Variants in IKZF3 observed in about 807,000 individuals in gnomAD.
IKZF3 encodes the protein IKAROS family zinc finger 3.
IKZF3 carries 10 observed loss-of-function variants against 49.0 expected under a neutral mutation model. That is an observed-to-expected ratio of 0.20 (90% CI 0.13 to 0.35). The LOEUF is 0.35. IKZF3 is among the 10% of genes least tolerant of loss of function. The pLI, the probability that IKZF3 is intolerant of heterozygous loss-of-function variation, is 1.00. For synonymous variants in IKZF3, 209 were observed against 228.2 expected, an observed-to-expected ratio of 0.92 and a Z score of 0.76; for missense variants, 498 against 664.8, an observed-to-expected ratio of 0.75 and a Z score of 2.76.
chr17:39,812,959 G>A (rs1356615743), intron 3 of IKZF3, among the ~76,000 whole-genome samples: 2 of 151,994 alleles, frequency 1.3e-5, no homozygotes, highest in African/African-American at 2.4e-5. Context: ...AAAATTAGCC[G>A]GGTGTGGTGG....
At chr17:39,800,451 G>A (rs1265889788) in intron 3 of IKZF3, among the ~76,000 whole-genome samples, 2 of 152,180 alleles carry the variant, frequency 1.3e-5, no homozygotes, top group East Asian at 3.9e-4. Context: ...CTGAACTTGT[G>A]GAGAAAAGAA....
intron 1 of IKZF3, among the ~76,000 whole-genome samples, chr17:39,838,312 C>CT (rs1202210707): frequency 6.6e-6 from 1 of 152,126 alleles, no homozygotes; most frequent in Non-Finnish European, 1.5e-5. Flanking sequence ...CCCCACAATG[C>CT]TTTTTTCTCT....
intron 3 of IKZF3, among the ~76,000 whole-genome samples, chr17:39,822,170 T>C (rs781193710): frequency 1.2e-4 from 19 of 152,188 alleles, no homozygotes; most frequent in Middle Eastern, 6.3e-3. Context: ...GCAGCTGATA[T>C]GCTTCATATG....
Position 39,791,477 on chromosome 17 carries a change from G to T in IKZF3, c.531C>A (p.His177Gln). The T allele has an allele frequency of 6.2e-7, 1 of 1,614,094 alleles. No individual in the cohort carries two copies. Among genetic ancestry groups the T allele is most frequent in the African/African-American group, 1.3e-5 (1 of 75,012 alleles). ...TTCTTTGGCATGCATAGTTGCAGAGGTGACACTTAAAAGGTTTTTCCCCTG... is the reference window on the plus strand; with the variant it reads ...TTCTTTGGCATGCATAGTTGCAGAGTTGACACTTAAAAGGTTTTTCCCCTG... The part of the protein sequence containing the change: ...LHTGEKPFKC[H>Q]LCNYACQRRD... Residue 177 changes from histidine (H) to glutamine (Q), a missense_variant, in exon 5 of 8, where the codon CAC (histidine) becomes CAA (glutamine). Coordinates refer to ENST00000346872, the MANE Select transcript of IKZF3 (RefSeq NM_012481.5).
intron 3 of IKZF3, among the ~76,000 whole-genome samples, chr17:39,803,089 T>TA (rs1349566084): frequency 6.6e-6 from 1 of 152,174 alleles, no homozygotes; most frequent in African/African-American, 2.4e-5. Context: ...AGAAATACAC[T>TA]ATACATCAGC....
intron 2 of IKZF3, among the ~76,000 whole-genome samples, chr17:39,831,727 C>A (rs1377479211): frequency 5.9e-5 from 9 of 152,174 alleles, no homozygotes; most frequent in Non-Finnish European, 1.3e-4. Context: ...TATTTACTAT[C>A]TGGCCCTTTA....
At chr17:39,851,008 T>C (rs1179318849) in intron 1 of IKZF3, among the ~76,000 whole-genome samples, 2 of 144,930 alleles carry the variant, frequency 1.4e-5, no homozygotes, top group Non-Finnish European at 3.0e-5. Context: ...TACATGTATA[T>C]ATTATATACA....
intron 1 of IKZF3, among the ~76,000 whole-genome samples, chr17:39,852,419 C>T (rs1197216883): frequency 6.6e-6 from 1 of 152,194 alleles, no homozygotes; most frequent in Non-Finnish European, 1.5e-5. Flanking sequence ...AAACCAACCA[C>T]ACTCTTTGTC....
intron 1 of IKZF3, among the ~76,000 whole-genome samples, chr17:39,862,021 A>G (rs1249089590): frequency 5.3e-5 from 8 of 152,230 alleles, no homozygotes; most frequent in Admixed American, 2.0e-4. Flanking sequence ...TTTCCCGACC[A>G]TAACAGACAG....
At chr17:39,775,351 A>G (rs1273405305) in intron 7 of IKZF3, among the ~76,000 whole-genome samples, 1 of 152,212 alleles carries the variant, frequency 6.6e-6, no homozygotes, top group African/African-American at 2.4e-5. Context: ...CACCTACAAG[A>G]TCAGCATCTC....
intron 1 of IKZF3, among the ~76,000 whole-genome samples, chr17:39,855,342 T>G (rs773324365): frequency 6.6e-6 from 1 of 152,216 alleles, no homozygotes; most frequent in Non-Finnish European, 1.5e-5. Flanking sequence ...AATCATCAAG[T>G]CTCATTGTGT....
intron 1 of IKZF3, among the ~76,000 whole-genome samples, chr17:39,863,749 T>C: frequency 6.6e-6 from 1 of 152,042 alleles, no homozygotes; most frequent in East Asian, 1.9e-4. Flanking sequence ...ATTAGTCTAA[T>C]TCCAATAAAC....
intron 1 of IKZF3, among the ~76,000 whole-genome samples, chr17:39,857,942 A>G (rs2063110162): frequency 1.3e-5 from 2 of 150,800 alleles, no homozygotes; most frequent in African/African-American, 4.9e-5. Flanking sequence ...TGCAATGTAG[A>G]GAGACCTCAT....
intron 2 of IKZF3, 40 bp downstream of exon 2, chr17:39,832,058 A>G: frequency 6.9e-7 from 1 of 1,447,218 alleles, no homozygotes; most frequent in African/African-American, 1.4e-5. Context: ...TATTTTTTTT[A>G]GTAAAGGTAT....
intron 1 of IKZF3, among the ~76,000 whole-genome samples, chr17:39,832,834 C>T (rs937135806): frequency 2.6e-5 from 4 of 151,846 alleles, no homozygotes; most frequent in South Asian, 2.1e-4. Flanking sequence ...TAGTTAACAA[C>T]GACGTATTAT....
At chr17:39,819,953 G>C (rs9901917) in intron 3 of IKZF3, among the ~76,000 whole-genome samples, 8,691 of 152,244 alleles carry the variant, frequency 0.057, 381 homozygotes, top group African/African-American at 0.12. Flanking sequence ...TTACAGGCGT[G>C]AGCCAAGCCA....
chr17:39,799,350 G>A (rs770543115), intron 3 of IKZF3, among the ~76,000 whole-genome samples: 2 of 152,146 alleles, frequency 1.3e-5, no homozygotes, highest in Admixed American at 6.6e-5. Context: ...GAATAATCAT[G>A]CTGTAGCAAA....
At chr17:39,837,876 T>G (rs2062347344) in intron 1 of IKZF3, among the ~76,000 whole-genome samples, 1 of 151,476 alleles carries the variant, frequency 6.6e-6, no homozygotes, top group South Asian at 2.1e-4. Flanking sequence ...TCTTCTGACC[T>G]CATAAACTGC....
At chr17:39,843,116 G>A (rs552732009) in intron 1 of IKZF3, among the ~76,000 whole-genome samples, 18 of 152,148 alleles carry the variant, frequency 1.2e-4, no homozygotes, top group East Asian at 1.9e-4. Flanking sequence ...ACATGACAAC[G>A]AAAAGCAATG....
Sources: allele counts gnomAD v4.1 joint callset (sites outside exome capture counted in the v4.1 genomes callset), GRCh38; gene constraint gnomAD v4.1.1; transcripts MANE v1.5; gene names NCBI Gene and HGNC (gene_info 2026-07-23, HGNC 2026-07-21).